FRAS1: variants seen among roughly 807,000 people sequenced by gnomAD.
The protein encoded by FRAS1 is Fraser extracellular matrix complex subunit 1.
Under a neutral mutation model 435.2 loss-of-function variants are expected in FRAS1, and 290 were observed. The observed-to-expected ratio is 0.67, with a 90% CI of 0.61 to 0.73. The LOEUF is 0.73. Among genes scored for constraint, FRAS1 ranks in the 30% least tolerant of loss-of-function variants. FRAS1 has a pLI of 0.00. For synonymous variants in FRAS1, 1,800 were observed against 1,851.0 expected (o/e 0.97, Z 0.71); for missense variants, 4,860 against 5,001.5 (o/e 0.97, Z 0.85).
At chr4:78,072,172 A>C (rs1740391024) in intron 2 of FRAS1, 1 of 152,132 alleles carries the variant, frequency 6.6e-6, no homozygotes, top group African/African-American at 2.4e-5. Flanking sequence ...AGTGTTATCC[A>C]TCATTTATAT....
intron 10 of FRAS1, 109 bp from the exon 11 acceptor site, chr4:78,281,289 A>G: frequency 1.5e-6 from 1 of 683,328 alleles, no homozygotes; most frequent in Admixed American, 3.5e-5. Flanking sequence ...ACCAGTGAAT[A>G]AAGTTGCATG....
At chr4:78,412,586 A>C (rs1235521416) in intron 31 of FRAS1, among the ~76,000 whole-genome samples, 1 of 152,234 alleles carries the variant, frequency 6.6e-6, no homozygotes, top group Non-Finnish European at 1.5e-5. Context: ...GTTTTCTAGC[A>C]TGTTTCATGA....
At chr4:78,495,884 A>G (rs1720494985) in intron 59 of FRAS1, among the ~76,000 whole-genome samples, 1 of 152,146 alleles carries the variant, frequency 6.6e-6, no homozygotes, top group African/African-American at 2.4e-5. Context: ...TATACAAAAG[A>G]TGTGGTAGAG....
intron 31 of FRAS1, among the ~76,000 whole-genome samples, chr4:78,408,669 A>G (rs529276812): frequency 6.6e-6 from 1 of 152,300 alleles, no homozygotes; most frequent in Admixed American, 6.5e-5. Context: ...TTGTCTGTCA[A>G]ATAGGATTAT....
In FRAS1 at chr4:78,157,570, T is replaced by C. The variant is rs141831554; in HGVS notation, c.109-79940T>C. 4.9e-4 allele frequency among the ~76,000 whole-genome samples: 75 copies of C among 152,350 alleles called. No individual in the cohort carries two copies. In the East Asian group the frequency reaches 0.013, roughly 27 times the overall value. ...TGGTTTACATTTTCCTGACAATTAGTGATACTAAGCATTTTTCATGTTTGT... is the reference window on the plus strand; with the variant it reads ...TGGTTTACATTTTCCTGACAATTAGCGATACTAAGCATTTTTCATGTTTGT... On this transcript the variant is annotated intron_variant, in intron 2 of 73. Coordinates refer to ENST00000512123, the MANE Select transcript of FRAS1 (RefSeq NM_025074.7).
intron 65 of FRAS1, among the ~76,000 whole-genome samples, chr4:78,513,811 T>C (rs1721119833): frequency 6.6e-6 from 1 of 152,228 alleles, no homozygotes; most frequent in Non-Finnish European, 1.5e-5. Context: ...TGAGCCACTG[T>C]TGTCTATAAA....
intron 6 of FRAS1, among the ~76,000 whole-genome samples, chr4:78,264,693 A>C (rs903884450): frequency 6.6e-6 from 1 of 152,196 alleles, no homozygotes; most frequent in Non-Finnish European, 1.5e-5. Context: ...TTTGTAAAGC[A>C]AGGATAAGAG....
intron 2 of FRAS1, among the ~76,000 whole-genome samples, chr4:78,110,429 C>A (rs1742642694): frequency 9.1e-6 from 1 of 109,414 alleles, no homozygotes; most frequent in Admixed American, 1.0e-4. Context: ...CAGAACAGAG[C>A]CCTCAGAAAT....
In FRAS1 at chr4:78,132,098, C is replaced by T. The variant is rs371400932; in HGVS notation, c.108+66082C>T. Among the ~76,000 whole-genome samples, 8 of 152,284 alleles carry T rather than the reference C, an allele frequency of 5.3e-5. No homozygotes were observed. In the East Asian group the frequency reaches 1.4e-3, roughly 26 times the overall value. ...CTGTGTGTGGTTGAGGTCTGTAAGG[C>T]TGGTGTCCTGTCAGTGCTGATTTGT... is the stretch of plus-strand genomic sequence containing the variant. On this transcript the variant is annotated intron_variant, in intron 2 of 73. Coordinates refer to ENST00000512123, the MANE Select transcript of FRAS1 (RefSeq NM_025074.7).
intron 23 of FRAS1, among the ~76,000 whole-genome samples, chr4:78,372,100 G>A (rs1286833728): frequency 6.6e-6 from 1 of 152,190 alleles, no homozygotes; most frequent in Non-Finnish European, 1.5e-5. Flanking sequence ...AAATTAACAT[G>A]TAATTGAGTC....
rs148841455 is a variant in FRAS1, at chr4:78,372,867, G to A, written c.3010+9G>A. On this transcript the variant is annotated intron_variant, in intron 24 of 73. Coordinates refer to ENST00000512123, the MANE Select transcript of FRAS1 (RefSeq NM_025074.7). ...CTCGGGCCTCTGCAAGAGTAAGTGT[G>A]TAGAGGCCCTGCTCTGTGCTCAGCC... The A allele has an allele frequency of 6.8e-4, 1,093 of 1,611,880 alleles. 1 individual carries two copies. Among genetic ancestry groups the A allele is most frequent in the Non-Finnish European group, 8.7e-4 (1,032 of 1,179,534 alleles).
At chr4:78,252,699 G>A (rs1725600895) in intron 5 of FRAS1, 148 bp downstream of exon 5, 1 of 798,882 alleles carries the variant, frequency 1.3e-6, no homozygotes. Context: ...TACAAAGAGA[G>A]GAATTTTACA....
rs111962677 is a variant in FRAS1, at chr4:78,096,700, A to G, written c.108+30684A>G. 5.8e-4 allele frequency among the ~76,000 whole-genome samples: 88 copies of G among 152,276 alleles called. 3 individuals carry two copies. Among genetic ancestry groups the G allele is most frequent in the African/African-American group, 1.9e-3 (78 of 41,570 alleles). ...GGCCCCTTTCAGCCATGGCTGGAGT[A>G]GCTCAGAGGCAGGGCACCAAATCCC... On this transcript the variant is annotated intron_variant, in intron 2 of 73. Coordinates refer to ENST00000512123, the MANE Select transcript of FRAS1 (RefSeq NM_025074.7).
intron 2 of FRAS1, among the ~76,000 whole-genome samples, chr4:78,211,939 A>G (rs1408793240): frequency 6.6e-6 from 1 of 152,174 alleles, no homozygotes; most frequent in Non-Finnish European, 1.5e-5. Flanking sequence ...TAGAAATGGA[A>G]TCATACAAGA....
In FRAS1 at chr4:78,372,197, A is replaced by G. The variant is rs185025147; in HGVS notation, c.2870-521A>G. ...CCTTTATGCCCCATATAATTCTGAC[A>G]TCATTGGTTCTTTCTGTCACTTTGG... On this transcript the variant is annotated intron_variant, in intron 23 of 73. Coordinates refer to ENST00000512123, the MANE Select transcript of FRAS1 (RefSeq NM_025074.7). Among the ~76,000 whole-genome samples the G allele has an allele frequency of 4.7e-4, 71 of 152,324 alleles. No homozygotes were observed. In the East Asian group the frequency reaches 9.6e-3, roughly 21 times the overall value.
chr4:78,387,781 C>A (rs1578291713), intron 29 of FRAS1, 80 bp downstream of exon 29: 1 of 975,354 alleles, frequency 1.0e-6, no homozygotes, highest in East Asian at 2.6e-5. Flanking sequence ...ATGATACTCA[C>A]AAAGTTAAGA....
intron 70 of FRAS1, 125 bp downstream of exon 70, chr4:78,526,782 C>G: frequency 1.6e-6 from 1 of 618,734 alleles, no homozygotes; most frequent in Non-Finnish European, 2.8e-6. Flanking sequence ...CTGACATGCA[C>G]AGCAGAGTCA....
chr4:78,490,139 G>A (rs1333232510), intron 59 of FRAS1, among the ~76,000 whole-genome samples: 1 of 151,976 alleles, frequency 6.6e-6, no homozygotes, highest in African/African-American at 2.4e-5. Flanking sequence ...ACCCAATACA[G>A]GAACACCCAG....
chr4:78,127,666 C>T (rs1719441288), intron 2 of FRAS1, among the ~76,000 whole-genome samples: 1 of 151,992 alleles, frequency 6.6e-6, no homozygotes. Flanking sequence ...CAAACAACAA[C>T]AACAACAACA....
Sources: gnomAD v4.1 joint callset for allele counts (sites outside exome capture counted in the v4.1 genomes callset) on GRCh38, gnomAD v4.1.1 for gene constraint, MANE v1.5 for transcripts, NCBI Gene and HGNC (gene_info 2026-07-23, HGNC 2026-07-21) for gene names.